Variants in LPP observed in about 807,000 individuals in gnomAD.
The protein encoded by LPP is LIM domain containing preferred translocation partner in lipoma, also known as lipoma-preferred partner.
In LPP, 38 loss-of-function variants were observed where a neutral mutation model predicts 60.4. The ratio of observed to expected loss-of-function variants is 0.63; its 90% CI spans 0.49 to 0.83. The LOEUF (loss-of-function observed/expected upper bound fraction) is 0.83. Ranked by LOEUF, LPP falls within the 40% of genes least tolerant of loss-of-function variation. LPP has a pLI of 0.00. For synonymous variants in LPP, 328 were observed against 290.8 expected, an observed-to-expected ratio of 1.13 and a Z score of -1.30; for missense variants, 902 against 783.6, an observed-to-expected ratio of 1.15 and a Z score of -1.80.
intron 7 of LPP, among the ~76,000 whole-genome samples, chr3:188,651,843 C>T (rs1188966887): frequency 6.6e-6 from 1 of 152,142 alleles, no homozygotes; most frequent in African/African-American, 2.4e-5. Flanking sequence ...CACAGCCAAA[C>T]CTTATCAGTG....
intron 9 of LPP, among the ~76,000 whole-genome samples, chr3:188,809,803 T>C (rs1750339757): frequency 6.6e-6 from 1 of 152,222 alleles, no homozygotes; most frequent in African/African-American, 2.4e-5. Flanking sequence ...CTAGGGCTTT[T>C]ATGGTTTTGG....
intron 4 of LPP, among the ~76,000 whole-genome samples, chr3:188,484,310 C>A (rs1417949934): frequency 6.6e-6 from 1 of 152,154 alleles, no homozygotes; most frequent in Non-Finnish European, 1.5e-5. Flanking sequence ...AATTCAGTAA[C>A]TCTATCTCCC....
chr3:188,323,037 A>G (rs146113517), intron 2 of LPP, among the ~76,000 whole-genome samples: 1 of 152,320 alleles, frequency 6.6e-6, no homozygotes, highest in African/African-American at 2.4e-5. Context: ...TAGCTGTGAG[A>G]AAAAGAGCGG....
chr3:188,535,077 A>G (rs892203326), intron 6 of LPP, among the ~76,000 whole-genome samples: 3 of 152,168 alleles, frequency 2.0e-5, no homozygotes, highest in Admixed American at 6.5e-5. Flanking sequence ...GTTGCTGTTG[A>G]GCCAGCAGTT....
chr3:188,389,307 T>A (rs1217913770), intron 3 of LPP, among the ~76,000 whole-genome samples: 1 of 152,190 alleles, frequency 6.6e-6, no homozygotes, highest in Non-Finnish European at 1.5e-5. Flanking sequence ...AGGTCACTGG[T>A]TTGCTTCAGA....
At chr3:188,649,343 G>A (rs1412088996) in intron 7 of LPP, among the ~76,000 whole-genome samples, 1 of 152,134 alleles carries the variant, frequency 6.6e-6, no homozygotes, top group South Asian at 2.1e-4. Flanking sequence ...TGGACAAAGG[G>A]GTTAGGATGA....
chr3:188,684,387 T>A (rs1860199718), intron 7 of LPP, among the ~76,000 whole-genome samples: 1 of 152,338 alleles, frequency 6.6e-6, no homozygotes, highest in Non-Finnish European at 1.5e-5. Flanking sequence ...TACACCTTTT[T>A]ACATTATGAA....
chr3:188,360,464 A>C (rs1035300701), intron 3 of LPP, among the ~76,000 whole-genome samples: 5 of 145,764 alleles, frequency 3.4e-5, no homozygotes, highest in African/African-American at 5.1e-5. Context: ...TCTTTCTCCC[A>C]CCCTCCTCTC....
intron 5 of LPP, among the ~76,000 whole-genome samples, chr3:188,523,636 A>G (rs780115524): frequency 2.2e-4 from 34 of 152,098 alleles, no homozygotes; most frequent in Non-Finnish European, 2.1e-4. Flanking sequence ...TTGGTTGGTT[A>G]ATGCTTTTTC....
At chr3:188,752,250 A>C (rs1251343205) in intron 8 of LPP, among the ~76,000 whole-genome samples, 1 of 152,162 alleles carries the variant, frequency 6.6e-6, no homozygotes, top group East Asian at 1.9e-4. Flanking sequence ...AAACTCACCA[A>C]GTGCATTTGT....
At chr3:188,296,938 G>C (rs906276156) in intron 2 of LPP, among the ~76,000 whole-genome samples, 1 of 152,226 alleles carries the variant, frequency 6.6e-6, no homozygotes, top group African/African-American at 2.4e-5. Flanking sequence ...GGGAGTGGGA[G>C]GGAGGCAAAC....
chr3:188,563,640 A>G (rs1831328324), intron 6 of LPP, among the ~76,000 whole-genome samples: 1 of 150,616 alleles, frequency 6.6e-6, no homozygotes, highest in Non-Finnish European at 1.5e-5. Context: ...GCTTTTCTTT[A>G]TTACAAACAA....
chr3:188,492,582 G>C (rs1433629516), intron 5 of LPP, among the ~76,000 whole-genome samples: 3 of 152,074 alleles, frequency 2.0e-5, no homozygotes, highest in Admixed American at 6.6e-5. Flanking sequence ...TGTAATCCCA[G>C]CTACTCCAGA....
At chr3:188,553,818 C>G (rs559991321) in intron 6 of LPP, 11 of 152,318 alleles carry the variant, frequency 7.2e-5, no homozygotes, top group African/African-American at 2.6e-4. Flanking sequence ...GAATCAACCT[C>G]AAAGGAGATG....
chr3:188,190,010 C>A (rs1727709639), intron 1 of LPP, among the ~76,000 whole-genome samples: 1 of 151,622 alleles, frequency 6.6e-6, no homozygotes. Flanking sequence ...TTTTTTTACT[C>A]CTCCCACACA....
intron 5 of LPP, among the ~76,000 whole-genome samples, chr3:188,502,302 G>C (rs1396775886): frequency 2.6e-5 from 4 of 152,112 alleles, no homozygotes; most frequent in African/African-American, 7.2e-5. Context: ...TATTAGGTGT[G>C]TATACATTTA....
chr3:188,884,522 GA>G lies in LPP; in HGVS notation c.*10047del. On this transcript the variant is annotated 3_prime_UTR_variant, in exon 12 of 12. Transcript: ENST00000617246. ...ATCAGCACTGTGAGGAAGTTGGTGG[GA>G]AAAGGCCACTGATAAGAACAAACAA... 4.4e-6 allele frequency: 1 copy of G among 229,570 alleles called. No homozygotes were observed. The highest frequency in any genetic ancestry group is 2.2e-5 in the African/African-American group (1 of 45,262). The allele number at this position is 229,570 out of a possible 1,614,324, so 14.2% of individuals were successfully genotyped here.
intron 4 of LPP, among the ~76,000 whole-genome samples, chr3:188,436,637 A>T (rs766746099): frequency 1.8e-4 from 27 of 152,224 alleles, no homozygotes; most frequent in Non-Finnish European, 3.5e-4. Context: ...TGGGATTTCT[A>T]TGCAAAAGGC....
intron 7 of LPP, among the ~76,000 whole-genome samples, chr3:188,642,464 T>C (rs1486683225): frequency 1.3e-5 from 2 of 152,246 alleles, no homozygotes; most frequent in African/African-American, 2.4e-5. Flanking sequence ...ATGGAATAAA[T>C]GTCCTCATAC....
Sources: allele counts gnomAD v4.1 joint callset (sites outside exome capture counted in the v4.1 genomes callset), GRCh38; gene constraint gnomAD v4.1.1; transcripts MANE v1.5; gene names NCBI Gene and HGNC (gene_info 2026-07-23, HGNC 2026-07-21).